Variants in ACTR10 observed in about 807,000 individuals in gnomAD.
ACTR10 encodes actin-related protein 10.
Under a neutral mutation model 56.2 loss-of-function variants are expected in ACTR10, and 43 were observed. That is an observed-to-expected ratio of 0.77 (90% CI 0.60 to 0.99). The LOEUF is 0.99. ACTR10 is among the 50% of genes least tolerant of loss of function. The pLI is 0.00. For missense variants in ACTR10, 466 were observed against 507.8 expected, an observed-to-expected ratio of 0.92 and a Z score of 0.79; for synonymous variants, 170 against 176.3, an observed-to-expected ratio of 0.96 and a Z score of 0.28.
chr14:58,211,519 T>C, intron 5 of ACTR10, 120 bp downstream of exon 5: 1 of 655,728 alleles, frequency 1.5e-6, no homozygotes, highest in Admixed American at 2.8e-5. Context: ...TGTACAAATA[T>C]GAATTACAAT....
chr14:58,202,632 C>T (rs1888750612), intron 1 of ACTR10, among the ~76,000 whole-genome samples: 1 of 150,240 alleles, frequency 6.7e-6, no homozygotes, highest in South Asian at 2.1e-4. Flanking sequence ...TTGTTTTTTT[C>T]AGCATCACGA....
At chr14:58,228,129 G>C (rs1188792981) in intron 10 of ACTR10, among the ~76,000 whole-genome samples, 2 of 152,124 alleles carry the variant, frequency 1.3e-5, no homozygotes, top group Non-Finnish European at 2.9e-5. Context: ...AAGAAAAGAA[G>C]TTCAGAGGTA....
intron 8 of ACTR10, 117 bp downstream of exon 8, chr14:58,219,846 T>C: frequency 3.1e-6 from 2 of 637,104 alleles, no homozygotes; most frequent in Non-Finnish European, 4.9e-6. Flanking sequence ...CCTAAAAGTA[T>C]TTAATATATA....
At chr14:58,217,449 C>G (rs1205243329) in intron 7 of ACTR10, among the ~76,000 whole-genome samples, 1 of 151,986 alleles carries the variant, frequency 6.6e-6, no homozygotes, top group Non-Finnish European at 1.5e-5. Context: ...GAGTGGGTCA[C>G]TTGAGGTCAA....
intron 7 of ACTR10, among the ~76,000 whole-genome samples, chr14:58,217,099 T>A (rs750740735): frequency 6.6e-6 from 1 of 152,348 alleles, no homozygotes; most frequent in South Asian, 2.1e-4. Flanking sequence ...TCTTAGTATA[T>A]TTTGGTGACA....
At chr14:58,217,665 CAA>C (rs1387060445) in intron 7 of ACTR10, among the ~76,000 whole-genome samples, 29 of 76,594 alleles carry the variant, frequency 3.8e-4, no homozygotes, top group Admixed American at 9.0e-4. Flanking sequence ...GACTCCGTCT[CAA>C]AAAAAAAAAA....
chr14:58,229,502 C>A (rs1010239618), intron 10 of ACTR10, among the ~76,000 whole-genome samples: 1 of 151,708 alleles, frequency 6.6e-6, no homozygotes, highest in Non-Finnish European at 1.5e-5. Context: ...CACGGTGAAA[C>A]CCCGTCTCTA....
At chr14:58,219,559 A>C (rs1309849560) in intron 7 of ACTR10, 135 bp from the exon 8 acceptor site, 10 of 513,012 alleles carry the variant, frequency 1.9e-5, no homozygotes, top group African/African-American at 4.0e-5. Context: ...TTTTTCTGTT[A>C]GACTTTTTGA....
intron 10 of ACTR10, among the ~76,000 whole-genome samples, chr14:58,230,101 G>GGGAGTT (rs145735948): frequency 0.064 from 9,737 of 152,000 alleles, 516 homozygotes; most frequent in East Asian, 0.24. Flanking sequence ...GTTATAATTG[G>GGGAGTT]ACACAAAATA....
intron 11 of ACTR10, 95 bp from the exon 12 acceptor site, chr14:58,231,971 T>TAATTTTATAAATGTATACATA (rs1171918166): frequency 1.4e-6 from 1 of 690,974 alleles, no homozygotes; most frequent in Non-Finnish European, 2.2e-6. Flanking sequence ...ATAATATGTA[T>TAATTTTATAAATGTATACATA]AATAATAGTA....
chr14:58,224,175 A>G (rs1001670274), intron 10 of ACTR10, among the ~76,000 whole-genome samples: 1 of 151,228 alleles, frequency 6.6e-6, no homozygotes, highest in African/African-American at 2.4e-5. Context: ...TAATTTTTGT[A>G]TTTTTTAGTA....
rs542523302 is a variant in ACTR10, at chr14:58,228,781, C to T, written c.789-1618C>T. Among the ~76,000 whole-genome samples, 4 of 144,414 alleles carry T rather than the reference C, an allele frequency of 2.8e-5. No individual in the cohort carries two copies. In the East Asian group the frequency reaches 8.3e-4, roughly 30 times the overall value. 94.7% of individuals were successfully genotyped at this position (144,414 alleles called of 152,430 possible). On this transcript the variant is annotated intron_variant, in intron 10 of 12. Transcript: ENST00000254286. ...CTTGAATTCCTGGCCTCAAGCCATT[C>T]CCCTGCTCTGCCTCAGCCTCCTGAA...
chr14:58,230,608 C>G (rs2140064441), intron 11 of ACTR10, 128 bp downstream of exon 11: 1 of 421,164 alleles, frequency 2.4e-6, no homozygotes, highest in Non-Finnish European at 4.1e-6. Flanking sequence ...AACTAATCTG[C>G]TTATTAAATT....
intron 1 of ACTR10, among the ~76,000 whole-genome samples, chr14:58,201,557 G>A (rs1028853687): frequency 6.6e-6 from 1 of 152,114 alleles, no homozygotes; most frequent in Non-Finnish European, 1.5e-5. Flanking sequence ...AATACGAGGA[G>A]AGCAGTATCA....
At chr14:58,205,841 G>A (rs1228113441) in intron 2 of ACTR10, among the ~76,000 whole-genome samples, 1 of 151,944 alleles carries the variant, frequency 6.6e-6, no homozygotes, top group African/African-American at 2.4e-5. Flanking sequence ...GGCCAACTTG[G>A]TGAAACCCCA....
At chr14:58,231,725 C>T (rs1447419524) in intron 11 of ACTR10, among the ~76,000 whole-genome samples, 1 of 152,126 alleles carries the variant, frequency 6.6e-6, no homozygotes, top group Admixed American at 6.6e-5. Flanking sequence ...GAAGTTATTT[C>T]TTCTCATGCT....
chr14:58,202,384 A>G (rs1268106434), intron 1 of ACTR10, among the ~76,000 whole-genome samples: 5 of 151,460 alleles, frequency 3.3e-5, no homozygotes, highest in African/African-American at 1.2e-4. Context: ...GATCGAGACT[A>G]TCCTGGCTAA....
chr14:58,228,240 C>T (rs1889445386), intron 10 of ACTR10, among the ~76,000 whole-genome samples: 1 of 152,142 alleles, frequency 6.6e-6, no homozygotes, highest in South Asian at 2.1e-4. Flanking sequence ...TCCAGGATGG[C>T]TGTTGGAGTT....
chr14:58,223,154 G>A (rs926410590), intron 8 of ACTR10, among the ~76,000 whole-genome samples: 8 of 151,620 alleles, frequency 5.3e-5, no homozygotes, highest in Non-Finnish European at 1.2e-4. Flanking sequence ...TTTTTTCTTT[G>A]AGATGGAGTT....
Sources: allele counts gnomAD v4.1 joint callset (sites outside exome capture counted in the v4.1 genomes callset), GRCh38; gene constraint gnomAD v4.1.1; transcripts MANE v1.5; gene names NCBI Gene and HGNC (gene_info 2026-07-23, HGNC 2026-07-21).